LEMD3: variants seen among roughly 807,000 people sequenced by gnomAD.
LEMD3 encodes LEM domain containing 3.
A neutral mutation model predicts 95.2 loss-of-function variants in LEMD3; 33 were observed. The observed-to-expected ratio is 0.35, with a 90% CI of 0.26 to 0.46. The LOEUF (loss-of-function observed/expected upper bound fraction) is 0.46. Ranked by LOEUF, LEMD3 falls within the 20% of genes least tolerant of loss-of-function variation. The pLI, the probability that LEMD3 is intolerant of heterozygous loss-of-function variation, is 1.00. For missense variants in LEMD3, 1,210 were observed against 1,192.8 expected (o/e 1.01, Z -0.21); for synonymous variants, 525 against 474.6 (o/e 1.11, Z -1.38).
At chr12:65,176,346 T>C (rs2136316608) in intron 1 of LEMD3, among the ~76,000 whole-genome samples, 1 of 152,350 alleles carries the variant, frequency 6.6e-6, no homozygotes, top group East Asian at 1.9e-4. Flanking sequence ...TCTGAGTAAG[T>C]CATGAAATTT....
chr12:65,186,652 G>A (rs1257686554), intron 1 of LEMD3, among the ~76,000 whole-genome samples: 5 of 100,678 alleles, frequency 5.0e-5, no homozygotes, highest in African/African-American at 4.0e-5. Flanking sequence ...TTTTTTTTTC[G>A]ACACCTGTTT....
chr12:65,211,402 A>G (rs1476083391), intron 2 of LEMD3, among the ~76,000 whole-genome samples: 1 of 152,146 alleles, frequency 6.6e-6, no homozygotes, highest in East Asian at 1.9e-4. Flanking sequence ...CGACCATCAA[A>G]AGGACTTAGA....
chr12:65,209,955 A>G (rs1480708259), intron 1 of LEMD3, among the ~76,000 whole-genome samples: 2 of 152,092 alleles, frequency 1.3e-5, no homozygotes, highest in African/African-American at 2.4e-5. Flanking sequence ...CCTGGATTAT[A>G]TAGATATATA....
At chr12:65,220,232 T>G (rs540605369) in intron 4 of LEMD3, among the ~76,000 whole-genome samples, 4 of 152,344 alleles carry the variant, frequency 2.6e-5, no homozygotes, top group Admixed American at 2.6e-4. Flanking sequence ...CACTGTGTTT[T>G]TATTTGTGTT....
intron 4 of LEMD3, among the ~76,000 whole-genome samples, chr12:65,237,736 A>G (rs949743535): frequency 6.6e-6 from 1 of 152,198 alleles, no homozygotes; most frequent in African/African-American, 2.4e-5. Context: ...GGTCACAAAG[A>G]TGAATGCTAG....
intron 10 of LEMD3, 168 bp from the exon 11 acceptor site, chr12:65,245,501 T>A: frequency 1.6e-6 from 1 of 618,336 alleles, no homozygotes; most frequent in South Asian, 1.9e-5. Context: ...TTGTAATTTT[T>A]AAATCTACCT....
chr12:65,227,277 G>A (rs1271236607), intron 4 of LEMD3, among the ~76,000 whole-genome samples: 1 of 152,156 alleles, frequency 6.6e-6, no homozygotes, highest in Non-Finnish European at 1.5e-5. Flanking sequence ...ATCCCATTCA[G>A]TGTTTCTTTC....
At chr12:65,220,547 T>TA (rs1870252789) in intron 4 of LEMD3, among the ~76,000 whole-genome samples, 1 of 152,210 alleles carries the variant, frequency 6.6e-6, no homozygotes, top group South Asian at 2.1e-4. Flanking sequence ...TGTTTTTTTT[T>TA]ACTGCACATA....
intron 4 of LEMD3, among the ~76,000 whole-genome samples, chr12:65,226,769 C>T (rs4762075): frequency 0.27 from 41,394 of 151,944 alleles, 7,292 homozygotes; most frequent in Middle Eastern, 0.41. Context: ...GTGGGACTGC[C>T]GTTAATACCT....
intron 1 of LEMD3, among the ~76,000 whole-genome samples, chr12:65,180,023 C>T (rs1868852677): frequency 6.6e-6 from 1 of 152,076 alleles, no homozygotes; most frequent in Admixed American, 6.5e-5. Flanking sequence ...CGGCTCACTG[C>T]AGCCTCCATC....
At chr12:65,228,313 A>C (rs567349155) in intron 4 of LEMD3, among the ~76,000 whole-genome samples, 1 of 152,028 alleles carries the variant, frequency 6.6e-6, no homozygotes, top group South Asian at 2.1e-4. Context: ...TAAATTGGAA[A>C]CTGCTTATAT....
At chr12:65,185,094 C>A (rs1366642864) in intron 1 of LEMD3, among the ~76,000 whole-genome samples, 1 of 151,998 alleles carries the variant, frequency 6.6e-6, no homozygotes, top group Non-Finnish European at 1.5e-5. Context: ...AGCAGCTGGT[C>A]TACAGGCACA....
At chr12:65,222,126 T>G (rs1004785914) in intron 4 of LEMD3, among the ~76,000 whole-genome samples, 3 of 152,216 alleles carry the variant, frequency 2.0e-5, no homozygotes, top group Non-Finnish European at 4.4e-5. Flanking sequence ...TGAGATAATT[T>G]CCTTCTATTC....
At chr12:65,189,711 G>T (rs1308004910) in intron 1 of LEMD3, among the ~76,000 whole-genome samples, 1 of 152,140 alleles carries the variant, frequency 6.6e-6, no homozygotes. Flanking sequence ...TGCAAAATAG[G>T]TCTAGTCTCA....
chr12:65,197,023 G>C (rs370043359), intron 1 of LEMD3, among the ~76,000 whole-genome samples: 4 of 152,168 alleles, frequency 2.6e-5, no homozygotes, highest in African/African-American at 7.2e-5. Flanking sequence ...TTTATAGCCT[G>C]AACACAGAAG....
intron 1 of LEMD3, among the ~76,000 whole-genome samples, chr12:65,172,226 A>T (rs985613422): frequency 6.6e-6 from 1 of 152,208 alleles, no homozygotes; most frequent in Non-Finnish European, 1.5e-5. Context: ...ATTAAAAGAG[A>T]AAGTAAATTA....
At chr12:65,181,185 T>C (rs1180899601) in intron 1 of LEMD3, among the ~76,000 whole-genome samples, 1 of 152,212 alleles carries the variant, frequency 6.6e-6, no homozygotes, top group Non-Finnish European at 1.5e-5. Flanking sequence ...GAGCTATGGC[T>C]TGGAACCTTG....
intron 1 of LEMD3, among the ~76,000 whole-genome samples, chr12:65,207,088 C>T (rs1869785638): frequency 6.6e-6 from 1 of 152,042 alleles, no homozygotes. Context: ...CCACTCTAAA[C>T]GGTAGTGTTA....
chr12:65,245,521 C>G, intron 10 of LEMD3, 148 bp from the exon 11 acceptor site: 1 of 659,564 alleles, frequency 1.5e-6, no homozygotes, highest in Non-Finnish European at 2.7e-6. Context: ...TCCTGTTAGT[C>G]AACAAGCATT....
Sources: gnomAD v4.1 joint callset for allele counts (sites outside exome capture counted in the v4.1 genomes callset) on GRCh38, gnomAD v4.1.1 for gene constraint, MANE v1.5 for transcripts, NCBI Gene and HGNC (gene_info 2026-07-23, HGNC 2026-07-21) for gene names.